ZBTB41: variants seen among roughly 807,000 people sequenced by gnomAD.
ZBTB41 encodes the protein zinc finger and BTB domain-containing protein 41.
Under a neutral mutation model 87.6 loss-of-function variants are expected in ZBTB41, and 42 were observed. That is an observed-to-expected ratio of 0.48 (90% CI 0.37 to 0.62). ZBTB41 has a LOEUF of 0.62. Ranked by LOEUF, ZBTB41 falls within the 20% of genes least tolerant of loss-of-function variation. The pLI, the probability that ZBTB41 is intolerant of heterozygous loss-of-function variation, is 0.00. For synonymous variants in ZBTB41, 364 were observed against 364.0 expected, an observed-to-expected ratio of 1.00 and a Z score of 0.00; for missense variants, 799 against 1,078.9, an observed-to-expected ratio of 0.74 and a Z score of 3.63.
chr1:197,176,467 T>C, intron 8 of ZBTB41, 97 bp downstream of exon 8: 2 of 868,678 alleles, frequency 2.3e-6, no homozygotes, highest in Non-Finnish European at 3.6e-6. Context: ...TAAACCAAAT[T>C]ATTAAACTTA....
At chr1:197,199,112 T>A (rs1048507375) in intron 2 of ZBTB41, among the ~76,000 whole-genome samples, 28 of 152,104 alleles carry the variant, frequency 1.8e-4, no homozygotes, top group Admixed American at 1.8e-3. Context: ...AGCAAATACA[T>A]GATCTAATGA....
chr1:197,176,544 C>T lies in ZBTB41; in HGVS notation c.1879+20G>A, dbSNP rs761492237. The T allele has an allele frequency of 7.2e-6, 11 of 1,533,418 alleles. No individual in the cohort carries two copies. In the South Asian group the frequency reaches 1.0e-4, roughly 14 times the overall value. 95.0% of individuals were successfully genotyped at this position (1,533,418 alleles called of 1,614,324 possible). On this transcript the variant is annotated intron_variant, in intron 8 of 10. Coordinates refer to ENST00000367405, the MANE Select transcript of ZBTB41 (RefSeq NM_194314.3). ...TATTTAAAAAGGATTTTCGAACTAGCATTACAAAATATGGTATACCTGAAT... is the reference window on the plus strand; with the variant it reads ...TATTTAAAAAGGATTTTCGAACTAGTATTACAAAATATGGTATACCTGAAT...
chr1:197,178,428 T>TA lies in ZBTB41; in HGVS notation c.1760_1761insT (p.Ser588LysfsTer4). 3 of 1,607,090 alleles carry TA rather than the reference T, an allele frequency of 1.9e-6. No individual in the cohort carries two copies. Among genetic ancestry groups the TA allele is most frequent in the Non-Finnish European group, 2.5e-6 (3 of 1,176,688 alleles). On this transcript the variant is annotated frameshift_variant, in exon 7 of 11. Transcript: ENST00000367405. LOFTEE classifies it high-confidence loss of function. ...ATGGTTTTACTTACCTATACGAACT[T>TA]CCATGACGAAAACTTTGCCCACAAA...
intron 2 of ZBTB41, among the ~76,000 whole-genome samples, chr1:197,197,579 G>GGGAC: frequency 6.8e-6 from 1 of 147,094 alleles, no homozygotes; most frequent in Non-Finnish European, 1.5e-5. Flanking sequence ...GAGGGAGGGA[G>GGGAC]GGAGCGAGGG....
chr1:197,180,596 A>G (rs1659720730), intron 6 of ZBTB41, among the ~76,000 whole-genome samples: 1 of 148,346 alleles, frequency 6.7e-6, no homozygotes, highest in Non-Finnish European at 1.5e-5. Context: ...TTATAGTAAA[A>G]GATGGAAAGG....
At chr1:197,174,280 T>G (rs542516763) in intron 9 of ZBTB41, among the ~76,000 whole-genome samples, 1 of 152,262 alleles carries the variant, frequency 6.6e-6, no homozygotes, top group South Asian at 2.1e-4. Flanking sequence ...GAAGTCATAC[T>G]GATAACTGAG....
intron 10 of ZBTB41, among the ~76,000 whole-genome samples, chr1:197,167,524 T>C (rs1042978321): frequency 6.6e-6 from 1 of 152,076 alleles, no homozygotes; most frequent in Non-Finnish European, 1.5e-5. Flanking sequence ...ATATCTTCAA[T>C]ACACCATGAA....
Position 197,200,301 on chromosome 1 carries a change from G to A in ZBTB41, c.173C>T (p.Pro58Leu). ...AGAACTTAAAAGCTTTCTCTGATCTGGAGAGGGAGGAAGTTCCTGGTAACA... is the reference window on the plus strand; with the variant it reads ...AGAACTTAAAAGCTTTCTCTGATCTAGAGAGGGAGGAAGTTCCTGGTAACA... ...LHCYQELPPSPDQRKLLSSLQ... is the reference protein window; with the variant it reads ...LHCYQELPPSLDQRKLLSSLQ... Residue 58 changes from proline to leucine, a missense_variant, in exon 2 of 11, where the codon CCA becomes CTA. Physicochemically the swap from Pro to Leu is moderately conservative, Grantham distance 98 (BLOSUM62 -3). Transcript: ENST00000367405. 1 of 1,614,014 alleles carries A rather than the reference G, an allele frequency of 6.2e-7. No homozygotes were observed. The highest frequency in any genetic ancestry group is 8.5e-7 in the Non-Finnish European group (1 of 1,179,986).
At position 197,194,618 on chromosome 1, in the gene ZBTB41, G is replaced by GAAA. The variant is rs71131750; in HGVS notation, c.1121-2722_1121-2720dup. Among the ~76,000 whole-genome samples the GAAA allele has an allele frequency of 9.1e-3, 1,231 of 135,794 alleles. 34 individuals are homozygous for GAAA. Among genetic ancestry groups the GAAA allele is most frequent in the African/African-American group, 0.032 (1,158 of 36,586 alleles). The allele number at this position is 135,794 out of a possible 152,430, so 89.1% of individuals were successfully genotyped here. On this transcript the variant is annotated intron_variant, in intron 2 of 10. Transcript: ENST00000367405. ...CCAGGAGAGATAAAGATTTAAGCAA[G>GAAA]AAAAAAAAAAAAAAAGAAGAAGAAG... is the stretch of plus-strand genomic sequence containing the variant.
intron 4 of ZBTB41, among the ~76,000 whole-genome samples, chr1:197,190,382 C>G (rs896627360): frequency 2.0e-4 from 31 of 152,132 alleles, no homozygotes; most frequent in Admixed American, 6.6e-4. Context: ...TGAGACATAT[C>G]AAAATAGTTA....
rs1200182119 is a variant in ZBTB41, at chr1:197,158,894, T to C, written c.*465A>G. The stretch of plus-strand genomic sequence containing the variant: ...CTAATTTCAATTTTAAAAATTTGTA[T>C]AACGTAATATTGAATCTTAGGATAA... On this transcript the variant is annotated 3_prime_UTR_variant, in exon 11 of 11. Coordinates refer to ENST00000367405, the MANE Select transcript of ZBTB41 (RefSeq NM_194314.3). 1.3e-5 allele frequency: 2 copies of C among 153,488 alleles called. No homozygotes were observed. Among genetic ancestry groups the C allele is most frequent in the African/African-American group, 4.8e-5 (2 of 41,568 alleles). The allele number at this position is 153,488 out of a possible 1,614,324, so 9.5% of individuals were successfully genotyped here.
intron 5 of ZBTB41, among the ~76,000 whole-genome samples, chr1:197,182,915 A>T (rs1479233691): frequency 6.6e-6 from 1 of 152,194 alleles, no homozygotes; most frequent in Non-Finnish European, 1.5e-5. Context: ...TAAGGTCTCC[A>T]GGTGCTTGTG....
At position 197,199,915 on chromosome 1, in the gene ZBTB41, T is replaced by C; in HGVS notation, c.559A>G (p.Thr187Ala). The C allele has an allele frequency of 6.2e-7, 1 of 1,612,488 alleles. No homozygotes were observed. Among genetic ancestry groups the C allele is most frequent in the Non-Finnish European group, 8.5e-7 (1 of 1,179,180 alleles). The change falls in exon 2 of 11, where the codon ACT becomes GCT. Residue 187 changes from threonine to alanine, a missense_variant. Thr to Ala is a moderately conservative substitution (Grantham distance 58). Coordinates refer to ENST00000367405, the MANE Select transcript of ZBTB41 (RefSeq NM_194314.3). Reference protein sequence around the residue: ...ENVAPFHSELTEKSSPEETLN... With the variant: ...ENVAPFHSELAEKSSPEETLN... ...GTTTCTTCTGGTGATGACTTTTCAG[T>C]TAGCTCTGAATGAAAAGGGGCAACA... is the stretch of plus-strand genomic sequence containing the variant.
In ZBTB41 at chr1:197,154,559, C is replaced by T. The variant is rs1659022655; in HGVS notation, c.*4800G>A. ...TCTTCCACACATCTTAATCCTATTA[C>T]ATCTATCTTATTAATGCTACTTCCA... On this transcript the variant is annotated 3_prime_UTR_variant, in exon 11 of 11. Coordinates refer to ENST00000367405, the MANE Select transcript of ZBTB41 (RefSeq NM_194314.3). The T allele has an allele frequency of 6.6e-6, 1 of 152,010 alleles. No homozygotes were observed. Among genetic ancestry groups the T allele is most frequent in the African/African-American group, 2.4e-5 (1 of 41,414 alleles). 9.4% of individuals were successfully genotyped at this position (152,010 alleles called of 1,614,324 possible). A position where few individuals can be genotyped will look rare whatever the true frequency, so the allele number is the denominator to read the frequency against.
chr1:197,191,975 A>G, intron 2 of ZBTB41, 76 bp from the exon 3 acceptor site: 1 of 1,259,358 alleles, frequency 7.9e-7, no homozygotes, highest in Non-Finnish European at 1.1e-6. Context: ...GTGGAATAAA[A>G]CCTCATGATT....
At chr1:197,180,294 G>C (rs543001454) in intron 6 of ZBTB41, among the ~76,000 whole-genome samples, 3 of 152,192 alleles carry the variant, frequency 2.0e-5, no homozygotes, top group African/African-American at 4.8e-5. Flanking sequence ...TGTGTAGTAG[G>C]CTATACCATC....
At chr1:197,179,344 A>T (rs1659685870) in intron 6 of ZBTB41, among the ~76,000 whole-genome samples, 1 of 152,058 alleles carries the variant, frequency 6.6e-6, no homozygotes, top group Non-Finnish European at 1.5e-5. Context: ...ACAATACATT[A>T]CTCACATGTT....
At chr1:197,193,693 C>A (rs1006055158) in intron 2 of ZBTB41, among the ~76,000 whole-genome samples, 1 of 152,158 alleles carries the variant, frequency 6.6e-6, no homozygotes, top group Non-Finnish European at 1.5e-5. Flanking sequence ...ATGTACACAT[C>A]CTACCACCAC....
chr1:197,199,096 T>C (rs1660235188), intron 2 of ZBTB41, among the ~76,000 whole-genome samples: 1 of 152,170 alleles, frequency 6.6e-6, no homozygotes, highest in Admixed American at 6.5e-5. Flanking sequence ...CTCTGGAGTC[T>C]TTCATAGCAA....
Sources: gnomAD v4.1 joint callset for allele counts (sites outside exome capture counted in the v4.1 genomes callset) on GRCh38, gnomAD v4.1.1 for gene constraint, MANE v1.5 for transcripts, NCBI Gene and HGNC (gene_info 2026-07-23, HGNC 2026-07-21) for gene names.